The following NR2C2 variants were observed in gnomAD, a reference collection of about 807,000 sequenced individuals.
NR2C2 encodes the protein Nuclear hormone receptor TR4.
In NR2C2, 6 loss-of-function variants were observed where a neutral mutation model predicts 62.9. The observed-to-expected ratio is 0.10, with a 90% confidence interval of 0.05 to 0.19. NR2C2 has a LOEUF of 0.19. Ranked by LOEUF, NR2C2 falls within the 10% of genes least tolerant of loss-of-function variation. The pLI is 1.00. For missense variants in NR2C2, 479 were observed against 762.7 expected (o/e 0.63, Z 4.38); for synonymous variants, 272 against 273.8 (o/e 0.99, Z 0.07).
intron 4 of NR2C2, among the ~76,000 whole-genome samples, chr3:15,017,394 T>C (rs2041540553): frequency 6.6e-6 from 1 of 152,240 alleles, no homozygotes; most frequent in African/African-American, 2.4e-5. Flanking sequence ...TGCATACTCA[T>C]ATAATTCACT....
chr3:15,024,180 G>A lies in NR2C2; in HGVS notation c.770G>A (p.Gly257Asp), dbSNP rs1338560616. The A allele has an allele frequency of 2.5e-6, 4 of 1,611,318 alleles. No homozygotes were observed. The highest frequency in any genetic ancestry group is 3.4e-6 in the Non-Finnish European group (4 of 1,178,868). Residue 257 changes from glycine (G) to aspartate (D), a missense_variant, in exon 7 of 14, where the codon GGT (glycine) becomes GAT (aspartate). Around this residue, in one of 4 missense-constraint regions of NR2C2, gnomAD observed 151 missense variants for 176.1 expected, o/e 0.86. Transcript: ENST00000425241. ...CAGCAGCCTTTGATACGTGAGGATGGTACAGTTCTCCTGGCCACGGATTCT... is the reference window on the plus strand; with the variant it reads ...CAGCAGCCTTTGATACGTGAGGATGATACAGTTCTCCTGGCCACGGATTCT... ...NIQQPLIRED[G>D]TVLLATDSKA...
chr3:15,037,662 A>G (rs2042141779), intron 11 of NR2C2, among the ~76,000 whole-genome samples: 1 of 152,246 alleles, frequency 6.6e-6, no homozygotes, highest in Admixed American at 6.5e-5. Flanking sequence ...AACCAAGTAT[A>G]TAAGCTGTGA....
At chr3:14,991,016 A>C (rs1322097013) in intron 1 of NR2C2, among the ~76,000 whole-genome samples, 1 of 152,188 alleles carries the variant, frequency 6.6e-6, no homozygotes, top group Non-Finnish European at 1.5e-5. Flanking sequence ...ATTGCTCTTA[A>C]ATATCTCATT....
chr3:14,981,676 A>G (rs999084967), intron 1 of NR2C2, among the ~76,000 whole-genome samples: 1 of 151,984 alleles, frequency 6.6e-6, no homozygotes, highest in South Asian at 2.1e-4. Context: ...GCCATCTGCA[A>G]GCTGAGGAGC....
Position 15,048,965 on chromosome 3 carries a change from TTTTA to T in NR2C2, c.*5958_*5961del, listed in dbSNP as rs1397579425. Reference sequence around the variant, plus strand: ...AGAAAATATTGGTTTTGCCATTACATTTTAATGCCAGGTTTAAAACCTGTTGAAA... The same window carrying T: ...AGAAAATATTGGTTTTGCCATTACATATGCCAGGTTTAAAACCTGTTGAAA... On this transcript the variant is annotated 3_prime_UTR_variant, in exon 14 of 14. Transcript: ENST00000425241. The T allele has an allele frequency of 6.5e-6, 1 of 152,694 alleles. No individual in the cohort carries two copies. Among genetic ancestry groups the T allele is most frequent in the Non-Finnish European group, 1.5e-5 (1 of 68,044 alleles). The allele number at this position is 152,694 out of a possible 1,614,324, so 9.5% of individuals were successfully genotyped here.
At chr3:15,010,636 T>C (rs2041326482) in intron 2 of NR2C2, among the ~76,000 whole-genome samples, 1 of 150,720 alleles carries the variant, frequency 6.6e-6, no homozygotes, top group Non-Finnish European at 1.5e-5. Context: ...TGCTTGAGCC[T>C]AGGAGGTCGA....
chr3:14,979,217 G>A (rs1005514585), intron 1 of NR2C2, among the ~76,000 whole-genome samples: 1 of 152,124 alleles, frequency 6.6e-6, no homozygotes, highest in South Asian at 2.1e-4. Context: ...CTTGGTAAAG[G>A]GATAGAGATA....
At chr3:14,977,006 A>G (rs1280043560) in intron 1 of NR2C2, among the ~76,000 whole-genome samples, 1 of 152,178 alleles carries the variant, frequency 6.6e-6, no homozygotes, top group Non-Finnish European at 1.5e-5. Context: ...TCTTTCAGTC[A>G]AAGTTCATGT....
chr3:15,025,021 C>CAA (rs1422488074), intron 7 of NR2C2, among the ~76,000 whole-genome samples: 1 of 152,234 alleles, frequency 6.6e-6, no homozygotes, highest in Non-Finnish European at 1.5e-5. Flanking sequence ...AGCTGCCCTG[C>CAA]ATGCCTTGGT....
At chr3:14,949,411 G>A (rs2039275354) in intron 1 of NR2C2, among the ~76,000 whole-genome samples, 1 of 152,242 alleles carries the variant, frequency 6.6e-6, no homozygotes, top group African/African-American at 2.4e-5. Flanking sequence ...ATCGAGAACT[G>A]GCTGCTTGTG....
intron 1 of NR2C2, among the ~76,000 whole-genome samples, chr3:14,996,341 A>G (rs1484317267): frequency 6.6e-6 from 1 of 152,198 alleles, no homozygotes; most frequent in Non-Finnish European, 1.5e-5. Context: ...TCTGTTTGAG[A>G]GACACATTAG....
chr3:15,007,418 T>C (rs1443406510), intron 2 of NR2C2, among the ~76,000 whole-genome samples: 1 of 152,018 alleles, frequency 6.6e-6, no homozygotes, highest in Non-Finnish European at 1.5e-5. Context: ...TGAGCCACCG[T>C]GCCCAGCCCC....
chr3:14,957,453 C>T (rs2039558676), intron 1 of NR2C2, among the ~76,000 whole-genome samples: 2 of 152,152 alleles, frequency 1.3e-5, no homozygotes, highest in Non-Finnish European at 2.9e-5. Context: ...AGTCATTGTT[C>T]TGTTCTCTGC....
In NR2C2 at chr3:15,049,021, C is replaced by T. The variant is rs1318054077; in HGVS notation, c.*6013C>T. 1 of 152,596 alleles carries T rather than the reference C, an allele frequency of 6.6e-6. No individual in the cohort carries two copies. Among genetic ancestry groups the T allele is most frequent in the African/African-American group, 2.4e-5 (1 of 41,434 alleles). The allele number at this position is 152,596 out of a possible 1,614,324, so 9.5% of individuals were successfully genotyped here. ...CTGCAGCTTTATACAGCTTTCTTCT[C>T]CCTGTGAAATCACTTTGTTTATGTG... On this transcript the variant is annotated 3_prime_UTR_variant, in exon 14 of 14. Coordinates refer to ENST00000425241, the MANE Select transcript of NR2C2 (RefSeq NM_001291694.2).
chr3:14,970,426 C>G (rs1266115035), intron 1 of NR2C2, among the ~76,000 whole-genome samples: 1 of 152,168 alleles, frequency 6.6e-6, no homozygotes, highest in African/African-American at 2.4e-5. Context: ...CACCATCCAT[C>G]TCTAGAACTT....
intron 1 of NR2C2, among the ~76,000 whole-genome samples, chr3:14,964,485 C>T (rs111914193): frequency 2.1e-5 from 3 of 140,972 alleles, no homozygotes; most frequent in African/African-American, 8.1e-5. Context: ...TTACTGTGGA[C>T]TTTATTTTTT....
intron 1 of NR2C2, among the ~76,000 whole-genome samples, chr3:14,961,252 A>C (rs559356994): frequency 1.3e-5 from 2 of 152,328 alleles, no homozygotes; most frequent in South Asian, 4.1e-4. Context: ...TGGCTATCTA[A>C]TAATAAATAG....
chr3:14,983,425 T>G (rs1202329486), intron 1 of NR2C2, among the ~76,000 whole-genome samples: 16 of 151,660 alleles, frequency 1.1e-4, no homozygotes, highest in African/African-American at 3.9e-4. Flanking sequence ...CTGCAGTTAA[T>G]CTCAACTTGA....
chr3:14,977,143 C>T (rs961110801), intron 1 of NR2C2, among the ~76,000 whole-genome samples: 5 of 152,052 alleles, frequency 3.3e-5, no homozygotes, highest in African/African-American at 1.2e-4. Flanking sequence ...CCTTTCATTT[C>T]CTCTCGTTTT....
Sources: allele counts gnomAD v4.1 joint callset (sites outside exome capture counted in the v4.1 genomes callset), GRCh38; gene constraint gnomAD v4.1.1; regional missense constraint gnomAD v4.1.1; transcripts MANE v1.5; gene names NCBI Gene and HGNC (gene_info 2026-07-23, HGNC 2026-07-21).